The following TBL1XR1 variants were observed in gnomAD, a reference collection of about 807,000 sequenced individuals.
TBL1XR1 encodes the protein TBL1X/Y related 1, also known as F-box-like/WD repeat-containing protein TBL1XR1.
Under a neutral mutation model 66.9 loss-of-function variants are expected in TBL1XR1, and 5 were observed. The observed-to-expected ratio is 0.07, with a 90% CI of 0.04 to 0.16. The LOEUF is 0.16. Ranked by LOEUF, TBL1XR1 falls within the 10% of genes least tolerant of loss-of-function variation. The probability of loss-of-function intolerance (pLI) is 1.00; values close to 1 mark genes in which losing one functional copy is unlikely to be tolerated. For synonymous variants in TBL1XR1, 210 were observed against 206.0 expected (o/e 1.02, Z -0.17); for missense variants, 238 against 623.2 (o/e 0.38, Z 6.58).
At position 177,047,318 on chromosome 3, in the gene TBL1XR1, T is replaced by G; in HGVS notation, c.846A>C (p.Leu282=). Residue 282 remains leucine (L), a synonymous_variant, in exon 9 of 16, where the codon CTA becomes CTC. Coordinates refer to ENST00000457928, the MANE Select transcript of TBL1XR1 (RefSeq NM_024665.7). ...CTTTTACCTTGTCTACTCCAGCACTTAGGATGAAATTTCCTTTCTTATTCC... is the reference window on the plus strand; with the variant it reads ...CTTTTACCTTGTCTACTCCAGCACTGAGGATGAAATTTCCTTTCTTATTCC... ...LKWNKKGNFI[L]SAGVDKTTII... 6.4e-7 allele frequency: 1 copy of G among 1,562,708 alleles called. No individual in the cohort carries two copies. The highest frequency in any genetic ancestry group is 1.4e-5 in the African/African-American group (1 of 73,942).
In TBL1XR1 at chr3:177,022,422, T is replaced by C. The variant is rs1712500366; in HGVS notation, c.*3076A>G. On this transcript the variant is annotated 3_prime_UTR_variant, in exon 16 of 16. Coordinates refer to ENST00000457928, the MANE Select transcript of TBL1XR1 (RefSeq NM_024665.7). ...TCATTTGAAAGTCAATGATGTTATC[T>C]GGTCAATGGCAGGAAATGGGAACTG... is the stretch of plus-strand genomic sequence containing the variant. 6.6e-6 allele frequency: 1 copy of C among 152,532 alleles called. No individual in the cohort carries two copies. 9.4% of individuals were successfully genotyped at this position (152,532 alleles called of 1,614,324 possible). A position where few individuals can be genotyped will look rare whatever the true frequency, so the allele number is the denominator to read the frequency against.
In TBL1XR1 at chr3:177,197,242, G is replaced by A. The variant is rs1736985891; in HGVS notation, c.-243C>T. 6.6e-6 allele frequency: 1 copy of A among 152,080 alleles called. No homozygotes were observed. Among genetic ancestry groups the A allele is most frequent in the Non-Finnish European group, 1.5e-5 (1 of 67,774 alleles). 9.4% of individuals were successfully genotyped at this position (152,080 alleles called of 1,614,324 possible). ...CCCCAAAATAACCCCTCCGGGGGGT[G>A]AGAGGCAATTATAACCCCAGCGAGC... On this transcript the variant is annotated 5_prime_UTR_variant, in exon 1 of 16. Coordinates refer to ENST00000457928, the MANE Select transcript of TBL1XR1 (RefSeq NM_024665.7).
chr3:177,165,558 C>T (rs542097355), intron 1 of TBL1XR1, among the ~76,000 whole-genome samples: 1 of 152,058 alleles, frequency 6.6e-6, no homozygotes, highest in South Asian at 2.1e-4. Flanking sequence ...TACTTGACCT[C>T]AAGACTTCCT....
chr3:177,062,922 G>A (rs1230965692), intron 3 of TBL1XR1, among the ~76,000 whole-genome samples: 2 of 151,964 alleles, frequency 1.3e-5, no homozygotes, highest in African/African-American at 4.8e-5. Flanking sequence ...ATCACCTAAG[G>A]TCGGGAGTTT....
chr3:177,141,760 C>T (rs1257792404), intron 1 of TBL1XR1, among the ~76,000 whole-genome samples: 4 of 152,158 alleles, frequency 2.6e-5, no homozygotes, highest in African/African-American at 7.2e-5. Context: ...CTTGTACACC[C>T]GTGTTCACAG....
Position 177,038,085 on chromosome 3 carries a change from C to G in TBL1XR1, c.1122+13G>C, listed in dbSNP as rs973017561. 3 of 1,611,524 alleles carry G rather than the reference C, an allele frequency of 1.9e-6. No homozygotes were observed. Among genetic ancestry groups the G allele is most frequent in the Non-Finnish European group, 2.5e-6 (3 of 1,179,486 alleles). On this transcript the variant is annotated intron_variant, in intron 12 of 15. Transcript: ENST00000457928. ...GACACCGCCAACCCATTTCTCCCTA[C>G]TAAGCAAATTACCTTTAAAGTCATG...
chr3:177,197,111 C>T lies in TBL1XR1; in HGVS notation c.-122+10G>A, dbSNP rs1736968551. The T allele has an allele frequency of 6.6e-6, 1 of 152,170 alleles. No individual in the cohort carries two copies. The allele number at this position is 152,170 out of a possible 1,614,324, so 9.4% of individuals were successfully genotyped here. A position where few individuals can be genotyped will look rare whatever the true frequency, so the allele number is the denominator to read the frequency against. ...CGCCCCCACTCCAGGGTCCGGCCCC[C>T]AGCGCTTACCTGGAAACGGTGGCCT... On this transcript the variant is annotated intron_variant, in intron 1 of 15. Coordinates refer to ENST00000457928, the MANE Select transcript of TBL1XR1 (RefSeq NM_024665.7).
chr3:177,119,315 G>C (rs903668515), intron 1 of TBL1XR1, among the ~76,000 whole-genome samples: 1 of 152,110 alleles, frequency 6.6e-6, no homozygotes, highest in Non-Finnish European at 1.5e-5. Flanking sequence ...GCAGTTCCAC[G>C]GGTGAAGAAT....
At chr3:177,059,857 A>AG (rs1718286238) in intron 3 of TBL1XR1, among the ~76,000 whole-genome samples, 1 of 152,232 alleles carries the variant, frequency 6.6e-6, no homozygotes, top group African/African-American at 2.4e-5. Flanking sequence ...ATCAGCTGCC[A>AG]GCACAGCTAG....
intron 10 of TBL1XR1, among the ~76,000 whole-genome samples, chr3:177,040,635 GATTT>G (rs1372401448): frequency 6.6e-6 from 1 of 151,698 alleles, no homozygotes; most frequent in Non-Finnish European, 1.5e-5. Flanking sequence ...ACTATACTGA[GATTT>G]TTTTTTTTTA....
intron 1 of TBL1XR1, among the ~76,000 whole-genome samples, chr3:177,156,575 TTA>T (rs772438397): frequency 3.0e-4 from 42 of 141,202 alleles, no homozygotes; most frequent in African/African-American, 5.6e-4. Flanking sequence ...ACACATACAT[TTA>T]TATATATATA....
rs1450948215 is a variant in TBL1XR1 at position 177,038,301 on chromosome 3, A to C, written c.1047+12T>G. The C allele has an allele frequency of 1.3e-6, 2 of 1,594,408 alleles. No homozygotes were observed. The highest frequency in any genetic ancestry group is 1.7e-6 in the Non-Finnish European group (2 of 1,169,406). On this transcript the variant is annotated intron_variant, in intron 11 of 15. Transcript: ENST00000457928. ...ATCATGACCACTTTAATGTGGAAAA[A>C]AGGTTTCTTACCGTATGTCCTTGGA...
chr3:177,112,088 TATATATATA>T (rs1725656080), intron 1 of TBL1XR1, among the ~76,000 whole-genome samples: 5 of 51,392 alleles, frequency 9.7e-5, no homozygotes, highest in African/African-American at 1.4e-4. Context: ...TATATATATA[TATATATATA>T]TATATATATA....
chr3:177,189,664 A>AAAAAAAAAATTAAAATTTC (rs57549428), intron 1 of TBL1XR1, among the ~76,000 whole-genome samples: 1 of 141,884 alleles, frequency 7.0e-6, no homozygotes, highest in African/African-American at 2.7e-5. Context: ...AAAAAAAAAA[A>AAAAAAAAAATTAAAATTTC]AGAAGGATGT....
At chr3:177,165,590 C>T (rs1394695344) in intron 1 of TBL1XR1, among the ~76,000 whole-genome samples, 1 of 152,126 alleles carries the variant, frequency 6.6e-6, no homozygotes. Flanking sequence ...GTTATCAAGA[C>T]AATATGGTAT....
intron 10 of TBL1XR1, among the ~76,000 whole-genome samples, chr3:177,044,547 T>G (rs1716057114): frequency 1.3e-5 from 2 of 152,146 alleles, no homozygotes; most frequent in Admixed American, 6.6e-5. Context: ...AAGAAACGTC[T>G]GAAGGTAACA....
chr3:177,039,686 C>T (rs553779455), intron 10 of TBL1XR1, among the ~76,000 whole-genome samples: 2 of 152,116 alleles, frequency 1.3e-5, no homozygotes, highest in South Asian at 4.1e-4. Flanking sequence ...CTGGGTTAGG[C>T]AACAGAAGCA....
At position 177,107,502 on chromosome 3, in the gene TBL1XR1, G is replaced by T. The variant is rs554420107; in HGVS notation, c.-121-8961C>A. Among the ~76,000 whole-genome samples the T allele has an allele frequency of 1.1e-4, 16 of 152,218 alleles. No homozygotes were observed. In the East Asian group the frequency reaches 2.1e-3, roughly 20 times the overall value. On this transcript the variant is annotated intron_variant, in intron 1 of 15. Coordinates refer to ENST00000457928, the MANE Select transcript of TBL1XR1 (RefSeq NM_024665.7). ...TTTATGAAATCAAGGTTGTATGGGG[G>T]TTTTTTTAGTGGAATATTCTTAATT...
intron 5 of TBL1XR1, 36 bp from the exon 6 acceptor site, chr3:177,050,646 G>C (rs1349084802): frequency 9.9e-6 from 16 of 1,612,052 alleles, no homozygotes; most frequent in Non-Finnish European, 1.4e-5. Flanking sequence ...TTTCCAGTTA[G>C]GCAGTATTAC....
Sources: gnomAD v4.1 joint callset for allele counts (sites outside exome capture counted in the v4.1 genomes callset) on GRCh38, gnomAD v4.1.1 for gene constraint, MANE v1.5 for transcripts, NCBI Gene and HGNC (gene_info 2026-07-23, HGNC 2026-07-21) for gene names.